The following ABCA1 variants were observed in gnomAD, a reference collection of about 807,000 sequenced individuals.
ABCA1 encodes the protein ATP binding cassette subfamily A member 1, also known as phospholipid-transporting ATPase ABCA1.
A neutral mutation model predicts 262.5 loss-of-function variants in ABCA1; 133 were observed. The observed-to-expected ratio is 0.51, with a 90% CI of 0.44 to 0.59. The LOEUF (loss-of-function observed/expected upper bound fraction) is 0.59, where lower values mean the gene tolerates loss of function less well. Among genes scored for constraint, ABCA1 ranks in the 20% least tolerant of loss-of-function variants. The probability of loss-of-function intolerance (pLI) is 0.00; values close to 1 mark genes in which losing one functional copy is unlikely to be tolerated. For synonymous variants in ABCA1, 1,022 were observed against 1,043.5 expected (o/e 0.98, Z 0.40); for missense variants, 2,452 against 2,777.5 (o/e 0.88, Z 2.63).
At chr9:104,801,940 C>T in intron 34 of ABCA1, 114 bp downstream of exon 34, 1 of 967,670 alleles carries the variant, frequency 1.0e-6, no homozygotes, top group Non-Finnish European at 1.7e-6. Flanking sequence ...GCTCTGTATG[C>T]CAACATATTC....
intron 1 of ABCA1, among the ~76,000 whole-genome samples, chr9:104,904,792 C>T (rs1037593644): frequency 1.3e-5 from 2 of 152,138 alleles, no homozygotes; most frequent in African/African-American, 2.4e-5. Context: ...GACAAACAAG[C>T]TCCCATGGTC....
chr9:104,839,731 A>G (rs7042310), intron 9 of ABCA1, among the ~76,000 whole-genome samples: 1 of 152,222 alleles, frequency 6.6e-6, no homozygotes, highest in Non-Finnish European at 1.5e-5. Context: ...TAAAAGGATC[A>G]CCACAATCAA....
chr9:104,828,938 C>G lies in ABCA1; in HGVS notation c.2093G>C (p.Gly698Ala). Residue 698 changes from glycine (G) to alanine (A), a missense_variant, in exon 15 of 50, where the codon GGC becomes GCC. By Grantham distance (60) the Gly-to-Ala change is moderately conservative. Transcript: ENST00000374736. Reference protein sequence around the residue: ...SSLIPLLVSAGLLVVILKLGN... With the variant: ...SSLIPLLVSAALLVVILKLGN... ...TACCTTCAGGATGACCACTAGCAGG[C>G]CAGCGCTCACAAGAAGAGGAATGAG... The G allele has an allele frequency of 1.2e-6, 2 of 1,614,092 alleles. No individual in the cohort carries two copies. The highest frequency in any genetic ancestry group is 1.7e-6 in the Non-Finnish European group (2 of 1,180,018).
At position 104,825,716 on chromosome 9, in the gene ABCA1, C is replaced by T; in HGVS notation, c.2509G>A (p.Val837Met). ...ACAGCCTCAATGTACCAGGTCATCA[C>T]CCCATAGAGGAAGGTGTCAAACAGC... ...MMLFDTFLYG[V>M]MTWYIEAVFP... Residue 837 changes from valine to methionine, a missense_variant, in exon 17 of 50, where the codon GTG becomes ATG. Transcript: ENST00000374736. The T allele has an allele frequency of 1.2e-6, 2 of 1,614,184 alleles. No individual in the cohort carries two copies. The highest frequency in any genetic ancestry group is 1.7e-6 in the Non-Finnish European group (2 of 1,180,038).
chr9:104,888,526 C>T (rs924056278), intron 3 of ABCA1, among the ~76,000 whole-genome samples: 1 of 152,186 alleles, frequency 6.6e-6, no homozygotes, highest in Non-Finnish European at 1.5e-5. Context: ...AATGCTGACA[C>T]CAGAATTCAT....
chr9:104,792,953 G>T lies in ABCA1; in HGVS notation c.5637-47C>A, dbSNP rs117453743. 765 of 1,612,512 alleles carry T rather than the reference G, an allele frequency of 4.7e-4. 9 individuals carry two copies. In the East Asian group the frequency reaches 0.015, roughly 31 times the overall value. On this transcript the variant is annotated intron_variant, in intron 41 of 49. Coordinates refer to ENST00000374736, the MANE Select transcript of ABCA1 (RefSeq NM_005502.4). ...AATGAACCTTTCAAACTATTTTTCA[G>T]GACAAAGATTCAGTCTCTAACGTAG... is the stretch of plus-strand genomic sequence containing the variant.
intron 7 of ABCA1, chr9:104,855,199 T>C: frequency 1.0e-6 from 1 of 976,634 alleles, no homozygotes; most frequent in Non-Finnish European, 1.2e-6. Context: ...AACTTCTATC[T>C]TTTTTTTCTT....
chr9:104,921,325 G>C (rs1015346817), intron 1 of ABCA1, among the ~76,000 whole-genome samples: 16 of 152,046 alleles, frequency 1.1e-4, no homozygotes, highest in Non-Finnish European at 2.1e-4. Flanking sequence ...CCCAAGAAAA[G>C]ACTTTATAGA....
chr9:104,855,682 G>T, intron 7 of ABCA1: 1 of 1,499,356 alleles, frequency 6.7e-7, no homozygotes, highest in South Asian at 1.3e-5. Context: ...GTATGTAGAA[G>T]AAGAGAAAAC....
chr9:104,884,329 T>A, intron 4 of ABCA1, 98 bp downstream of exon 4: 1 of 1,498,934 alleles, frequency 6.7e-7, no homozygotes, highest in Non-Finnish European at 9.3e-7. Context: ...AAAAACAACT[T>A]CACTTAAATC....
chr9:104,832,814 A>T, intron 11 of ABCA1, 43 bp from the exon 12 acceptor site: 1 of 1,582,654 alleles, frequency 6.3e-7, no homozygotes, highest in African/African-American at 1.3e-5. Context: ...ACACCAACTA[A>T]ATCTTGAGGA....
rs746910218 is a variant in ABCA1 at position 104,821,527 on chromosome 9, G to C, written c.2829-21C>G. On this transcript the variant is annotated intron_variant, in intron 19 of 49. Transcript: ENST00000374736. ...TTGACCTGAGGACAAAAATTTAGAA[G>C]TACAGAAGTCAGGGTTGACCTACCC... is the stretch of plus-strand genomic sequence containing the variant. The C allele has an allele frequency of 1.7e-5, 28 of 1,613,314 alleles. No homozygotes were observed. The South Asian group carries it at 3.1e-4, about 18-fold the overall frequency.
In ABCA1 at chr9:104,866,018, A is replaced by G. The variant is rs1279899745; in HGVS notation, c.422-4218T>C. ...GATGAGGTTTATCTGTAAGTGCTTC[A>G]TGGCGAGCAACCAGACTGGAGCCAA... On this transcript the variant is annotated intron_variant, in intron 5 of 49. Coordinates refer to ENST00000374736, the MANE Select transcript of ABCA1 (RefSeq NM_005502.4). 2.6e-5 allele frequency among the ~76,000 whole-genome samples: 4 copies of G among 152,332 alleles called. No homozygotes were observed. The East Asian group carries it at 7.7e-4, about 29-fold the overall frequency.
rs150414107 is a variant in ABCA1 at position 104,914,768 on chromosome 9, T to G, written c.-92-10997A>C. ...CAGATTCACTACAGTAACAAACCAG[T>G]CAAGAAATGTCACTGAAAGTAAAGG... is the stretch of plus-strand genomic sequence containing the variant. On this transcript the variant is annotated intron_variant, in intron 1 of 49. Transcript: ENST00000374736. Among the ~76,000 whole-genome samples, 523 of 152,188 alleles carry G rather than the reference T, an allele frequency of 3.4e-3. 5 individuals carry two copies. Among genetic ancestry groups the G allele is most frequent in the African/African-American group, 0.012 (503 of 41,526 alleles).
rs560980936 is a variant in ABCA1, at chr9:104,846,041, C to A, written c.721-472G>T. Among the ~76,000 whole-genome samples the A allele has an allele frequency of 3.9e-5, 6 of 152,338 alleles. No individual in the cohort carries two copies. The South Asian group carries it at 8.3e-4, about 21-fold the overall frequency. On this transcript the variant is annotated intron_variant, in intron 7 of 49. Coordinates refer to ENST00000374736, the MANE Select transcript of ABCA1 (RefSeq NM_005502.4). The stretch of plus-strand genomic sequence containing the variant: ...CACTCTGTTCAAGTCAGCACTGTTT[C>A]TAACACTGGAAATTGAATGTAGAAC...
chr9:104,812,634 C>A lies in ABCA1; in HGVS notation c.3990G>T (p.Val1330=). Residue 1330 remains valine (V), a synonymous_variant, in exon 28 of 50, where the codon GTG becomes GTT. Coordinates refer to ENST00000374736, the MANE Select transcript of ABCA1 (RefSeq NM_005502.4). ...KGWKLTQQQF[V]ALLWKRLLIA... ...TTAGCAGTCTCTTCCACAAAAGGGC[C>A]ACAAACTGTTGCTGTGTAAGTTTCC... is the stretch of plus-strand genomic sequence containing the variant. 6.2e-7 allele frequency: 1 copy of A among 1,614,200 alleles called. No individual in the cohort carries two copies. Among genetic ancestry groups the A allele is most frequent in the Non-Finnish European group, 8.5e-7 (1 of 1,180,038 alleles).
In ABCA1 at chr9:104,859,091, C is replaced by T. The variant is rs541929858; in HGVS notation, c.544-393G>A. The stretch of plus-strand genomic sequence containing the variant: ...CTCACTATTTTGCAATTTATGTTGT[C>T]TTTAAGTAGGACTGGGCTGAAATAT... On this transcript the variant is annotated intron_variant, in intron 6 of 49. Transcript: ENST00000374736. Among the ~76,000 whole-genome samples, 32 of 152,284 alleles carry T rather than the reference C, an allele frequency of 2.1e-4. 1 individual carries two copies. Among genetic ancestry groups the T allele is most frequent in the African/African-American group, 5.1e-4 (21 of 41,560 alleles).
chr9:104,877,072 C>T (rs935811720), intron 5 of ABCA1, among the ~76,000 whole-genome samples: 10 of 152,142 alleles, frequency 6.6e-5, no homozygotes, highest in Non-Finnish European at 8.8e-5. Flanking sequence ...ATATTTTTAG[C>T]TTCCCAGTAA....
At chr9:104,805,159 C>G (rs1830656559) in intron 31 of ABCA1, among the ~76,000 whole-genome samples, 1 of 152,148 alleles carries the variant, frequency 6.6e-6, no homozygotes. Context: ...CCTGCGACCT[C>G]CACCTCCCAG....
Sources: gnomAD v4.1 joint callset for allele counts (sites outside exome capture counted in the v4.1 genomes callset) on GRCh38, gnomAD v4.1.1 for gene constraint, MANE v1.5 for transcripts, NCBI Gene and HGNC (gene_info 2026-07-23, HGNC 2026-07-21) for gene names.